MARCHF7: variants seen among roughly 807,000 people sequenced by gnomAD.
MARCHF7 encodes the protein membrane associated ring-CH-type finger 7, also known as E3 ubiquitin-protein ligase MARCHF7.
A neutral mutation model predicts 76.5 loss-of-function variants in MARCHF7; 20 were observed. The ratio of observed to expected loss-of-function variants is 0.26; its 90% CI spans 0.18 to 0.38. The LOEUF is 0.38. MARCHF7 is among the 10% of genes least tolerant of loss of function. MARCHF7 has a pLI of 1.00. For synonymous variants in MARCHF7, 295 were observed against 293.0 expected, an observed-to-expected ratio of 1.01 and a Z score of -0.07; for missense variants, 797 against 812.9, an observed-to-expected ratio of 0.98 and a Z score of 0.24.
rs1202619074 is a variant in MARCHF7 at position 159,769,806 on chromosome 2, G to A, written c.*2464G>A. ...CAAAAGAAAGTTGTATGGGAGTTGA[G>A]TGGAAGGTAGGATTTAAGAGCAGCA... On this transcript the variant is annotated 3_prime_UTR_variant, in exon 12 of 12. Transcript: ENST00000409175. The A allele has an allele frequency of 6.6e-6, 1 of 152,222 alleles. No individual in the cohort carries two copies. The highest frequency in any genetic ancestry group is 1.5e-5 in the Non-Finnish European group (1 of 68,036). The allele number at this position is 152,222 out of a possible 1,614,324, so 9.4% of individuals were successfully genotyped here.
At chr2:159,719,732 C>T (rs372961062) in intron 3 of MARCHF7, among the ~76,000 whole-genome samples, 2 of 152,068 alleles carry the variant, frequency 1.3e-5, no homozygotes, top group East Asian at 1.9e-4. Flanking sequence ...GCCATTTTAT[C>T]TCTTGGTAAT....
chr2:159,747,737 A>T (rs763899462), intron 6 of MARCHF7, 68 bp from the exon 7 acceptor site: 1 of 1,458,190 alleles, frequency 6.9e-7, no homozygotes, highest in Non-Finnish European at 9.2e-7. Flanking sequence ...TTGGCATTCA[A>T]CATAATAAAT....
At chr2:159,762,794 T>C in intron 9 of MARCHF7, 86 bp from the exon 10 acceptor site, 2 of 635,700 alleles carry the variant, frequency 3.1e-6, no homozygotes, top group Non-Finnish European at 5.3e-6. Context: ...CTCTAGTTTA[T>C]CAGTGTACTG....
chr2:159,739,144 G>A (rs1251956202), intron 4 of MARCHF7, among the ~76,000 whole-genome samples: 1 of 152,238 alleles, frequency 6.6e-6, no homozygotes, highest in African/African-American at 2.4e-5. Flanking sequence ...GCCCCTGAGA[G>A]CACAGGGATA....
chr2:159,723,620 A>T (rs750949938), intron 3 of MARCHF7, among the ~76,000 whole-genome samples: 6 of 151,954 alleles, frequency 3.9e-5, no homozygotes, highest in Non-Finnish European at 8.8e-5. Flanking sequence ...ATGGTTTTTC[A>T]TTGTTTCCTA....
At chr2:159,723,318 T>C (rs1378309543) in intron 3 of MARCHF7, among the ~76,000 whole-genome samples, 4 of 152,268 alleles carry the variant, frequency 2.6e-5, no homozygotes, top group Non-Finnish European at 5.9e-5. Context: ...GGTGACCATA[T>C]GCTTTATCAT....
chr2:159,743,385 A>G (rs1300337330), intron 5 of MARCHF7, 132 bp downstream of exon 5: 1 of 763,544 alleles, frequency 1.3e-6, no homozygotes, highest in Non-Finnish European at 2.1e-6. Flanking sequence ...AATTTCCAAA[A>G]TCTTACTTTA....
intron 4 of MARCHF7, among the ~76,000 whole-genome samples, chr2:159,734,816 TGAAAAAA>T (rs1421245320): frequency 2.3e-5 from 1 of 44,398 alleles, no homozygotes; most frequent in East Asian, 5.0e-4. Context: ...AAAAATAAAA[TGAAAAAA>T]AAAAAAAAAA....
intron 6 of MARCHF7, 61 bp from the exon 7 acceptor site, chr2:159,747,744 A>G: frequency 6.8e-7 from 1 of 1,481,304 alleles, no homozygotes; most frequent in Non-Finnish European, 9.0e-7. Flanking sequence ...TCAACATAAT[A>G]AATGCAAATA....
rs551269067 is a variant in MARCHF7 at position 159,730,292 on chromosome 2, A to G, written c.153+1117A>G. The stretch of plus-strand genomic sequence containing the variant: ...ATGTTATAATTAATGTTTGATTTGC[A>G]AAAGTCTGATGTTGAGGTAATCTAA... On this transcript the variant is annotated intron_variant, in intron 4 of 11. Transcript: ENST00000409175. 2.0e-5 allele frequency among the ~76,000 whole-genome samples: 3 copies of G among 152,342 alleles called. No individual in the cohort carries two copies. In the South Asian group the frequency reaches 6.2e-4, roughly 32 times the overall value.
intron 3 of MARCHF7, among the ~76,000 whole-genome samples, chr2:159,726,134 T>C (rs1379758435): frequency 6.6e-6 from 1 of 152,158 alleles, no homozygotes; most frequent in African/African-American, 2.4e-5. Flanking sequence ...CTAGGAAAGA[T>C]TTATTTGCCA....
chr2:159,723,671 T>C (rs1326551709), intron 3 of MARCHF7, among the ~76,000 whole-genome samples: 1 of 152,228 alleles, frequency 6.6e-6, no homozygotes, highest in Non-Finnish European at 1.5e-5. Context: ...TCACAATATG[T>C]AGCAAATTGA....
intron 7 of MARCHF7, among the ~76,000 whole-genome samples, chr2:159,751,738 A>G (rs907862922): frequency 2.6e-5 from 4 of 152,218 alleles, no homozygotes; most frequent in Admixed American, 6.5e-5. Flanking sequence ...CTCTGCATTT[A>G]TATATTAAGC....
chr2:159,743,737 CA>C (rs34531157), intron 5 of MARCHF7, among the ~76,000 whole-genome samples: 83,969 of 128,288 alleles, frequency 0.65, 24,170 homozygotes, highest in Admixed American at 0.73. Context: ...CTGTTTCTAC[CA>C]AAAAAAAAAA....
chr2:159,722,732 CT>C (rs1701770376), intron 3 of MARCHF7, among the ~76,000 whole-genome samples: 1 of 152,156 alleles, frequency 6.6e-6, no homozygotes, highest in African/African-American at 2.4e-5. Flanking sequence ...TGCTTTTGAC[CT>C]ACAACTTACG....
At position 159,743,305 on chromosome 2, in the gene MARCHF7, A is replaced by G; in HGVS notation, c.346+52A>G. 3 of 1,517,456 alleles carry G rather than the reference A, an allele frequency of 2.0e-6. No individual in the cohort carries two copies. The South Asian group carries it at 3.6e-5, about 18-fold the overall frequency. 94.0% of individuals were successfully genotyped at this position (1,517,456 alleles called of 1,614,324 possible). A position where few individuals can be genotyped will look rare whatever the true frequency, so the allele number is the denominator to read the frequency against. The stretch of plus-strand genomic sequence containing the variant: ...TAAGCCGTTTTTCTCCAGGTGTAAC[A>G]CAGTTGTTCTTAGTTTTGGAATGAG... On this transcript the variant is annotated intron_variant, in intron 5 of 11. Coordinates refer to ENST00000409175, the MANE Select transcript of MARCHF7 (RefSeq NM_001282805.2).
chr2:159,721,863 T>G (rs1252870865), intron 3 of MARCHF7, among the ~76,000 whole-genome samples: 1 of 152,198 alleles, frequency 6.6e-6, no homozygotes, highest in Non-Finnish European at 1.5e-5. Flanking sequence ...TGCAAAACTT[T>G]TAATGAAGCT....
intron 3 of MARCHF7, among the ~76,000 whole-genome samples, chr2:159,722,166 T>G (rs1181856165): frequency 6.6e-6 from 1 of 152,196 alleles, no homozygotes; most frequent in Non-Finnish European, 1.5e-5. Flanking sequence ...TGAGACAGTC[T>G]TTCTCTGTTG....
Position 159,752,576 on chromosome 2 carries a change from G to T in MARCHF7, c.1783+5G>T. The T allele has an allele frequency of 2.7e-6, 4 of 1,491,794 alleles. No homozygotes were observed. Among genetic ancestry groups the T allele is most frequent in the Non-Finnish European group, 3.6e-6 (4 of 1,117,468 alleles). The allele number at this position is 1,491,794 out of a possible 1,614,324, so 92.4% of individuals were successfully genotyped here. ...TACAGGCCAAAATTAACTCTGGTAA[G>T]ATTTACCCTTTTGTGTTTTCACAAT... On this transcript the variant is annotated splice_donor_5th_base_variant and intron_variant, in intron 8 of 11. Transcript: ENST00000409175.
Sources: gnomAD v4.1 joint callset for allele counts (sites outside exome capture counted in the v4.1 genomes callset) on GRCh38, gnomAD v4.1.1 for gene constraint, MANE v1.5 for transcripts, NCBI Gene and HGNC (gene_info 2026-07-23, HGNC 2026-07-21) for gene names.